The following GCKR variants were observed in gnomAD, a reference collection of about 807,000 sequenced individuals.
GCKR encodes glucokinase regulatory protein.
In GCKR, 73 loss-of-function variants were observed where a neutral mutation model predicts 82.9. The ratio of observed to expected loss-of-function variants is 0.88; its 90% confidence interval spans 0.73 to 1.07. The LOEUF is 1.07. Among genes scored for constraint, GCKR ranks in the 50% least tolerant of loss-of-function variants. The pLI, the probability that GCKR is intolerant of heterozygous loss-of-function variation, is 0.00. For missense variants in GCKR, 784 were observed against 782.1 expected (o/e 1.00, Z -0.03); for synonymous variants, 294 against 291.8 (o/e 1.01, Z -0.08).
intron 8 of GCKR, 42 bp downstream of exon 8, chr2:27,501,271 G>A (rs1462520156): frequency 7.9e-7 from 1 of 1,263,692 alleles, no homozygotes; most frequent in South Asian, 1.2e-5. Flanking sequence ...GGGCAGGCTG[G>A]AGGGGAACAT....
chr2:27,522,713 A>G, intron 18 of GCKR, 119 bp downstream of exon 18: 2 of 839,332 alleles, frequency 2.4e-6, no homozygotes, highest in South Asian at 1.4e-5. Flanking sequence ...AAGGACCTCC[A>G]CATTCATGGG....
intron 7 of GCKR, 68 bp downstream of exon 7, chr2:27,499,518 G>A: frequency 1.8e-6 from 2 of 1,088,138 alleles, no homozygotes; most frequent in Non-Finnish European, 2.9e-6. Context: ...GGAATAGCAT[G>A]GAAGATAGAT....
chr2:27,503,157 A>G (rs1448937101), intron 8 of GCKR, among the ~76,000 whole-genome samples: 2 of 152,206 alleles, frequency 1.3e-5, no homozygotes, highest in African/African-American at 2.4e-5. Flanking sequence ...TAAGGTGACA[A>G]TTTTGACATT....
Position 27,499,135 on chromosome 2 carries a change from C to T in GCKR, c.429-7C>T, listed in dbSNP as rs1390266278. The T allele has an allele frequency of 1.3e-6, 2 of 1,584,300 alleles. No homozygotes were observed. The highest frequency in any genetic ancestry group is 2.7e-5 in the African/African-American group (2 of 74,444). On this transcript the variant is annotated splice_region_variant and splice_polypyrimidine_tract_variant and intron_variant, in intron 5 of 18. Coordinates refer to ENST00000264717, the MANE Select transcript of GCKR (RefSeq NM_001486.4). ...CACTGCCACTGACCTTGAGTCTGTC[C>T]TCTTAGGTCTGTGGTGGCCTCTAGG...
intron 14 of GCKR, 28 bp from the exon 15 acceptor site, chr2:27,507,949 C>T (rs1669789709): frequency 4.6e-6 from 7 of 1,510,332 alleles, no homozygotes; most frequent in African/African-American, 4.1e-5. Context: ...GCCAGCCTTT[C>T]GACTCTGATG....
Position 27,506,596 on chromosome 2 carries a change from TTA to T in GCKR, c.968+18_968+19del. 1 of 1,556,852 alleles carries T rather than the reference TTA, an allele frequency of 6.4e-7. No individual in the cohort carries two copies. Among genetic ancestry groups the T allele is most frequent in the Non-Finnish European group, 8.9e-7 (1 of 1,127,808 alleles). ...CAGCACCAGGTGTGTGGATATGTGT[TTA>T]GAGGTGAGGATGTGGCCCGGATGGA... On this transcript the variant is annotated intron_variant, in intron 11 of 18. Coordinates refer to ENST00000264717, the MANE Select transcript of GCKR (RefSeq NM_001486.4).
rs1379323016 is a variant in GCKR, at chr2:27,497,313, G to C, written c.130G>C (p.Ala44Pro). ...CCCACTGACCCAGGATCTAGACAAA[G>C]CAGATGCTGAGAACATTGTTCGACT... ...SNPLTQDLDK[A>P]DAENIVRLLG... is the part of the protein sequence containing the mutation. Residue 44 changes from alanine (A) to proline (P), a missense_variant, in exon 2 of 19, where the codon GCA becomes CCA. Ala to Pro is a conservative substitution (Grantham distance 27). Transcript: ENST00000264717. 3 of 1,614,090 alleles carry C rather than the reference G, an allele frequency of 1.9e-6. No homozygotes were observed. The highest frequency in any genetic ancestry group is 1.7e-6 in the Non-Finnish European group (2 of 1,179,938).
chr2:27,497,054 T>C, intron 1 of GCKR, 90 bp downstream of exon 1: 2 of 1,248,486 alleles, frequency 1.6e-6, no homozygotes. Context: ...TCTGCTCACC[T>C]CTTCTTCCTT....
rs754613675 is a variant in GCKR, at chr2:27,498,359, A to G, written c.354+36A>G. The G allele has an allele frequency of 4.0e-6, 6 of 1,512,214 alleles. No individual in the cohort carries two copies. In the Admixed American group the frequency reaches 1.0e-4, roughly 25 times the overall value. 93.7% of individuals were successfully genotyped at this position (1,512,214 alleles called of 1,614,324 possible). On this transcript the variant is annotated intron_variant, in intron 4 of 18. Coordinates refer to ENST00000264717, the MANE Select transcript of GCKR (RefSeq NM_001486.4). ...TGGTCTCCAGTTTTCTTCCCCCTCCACTTCTGGAGGTGACCCTCAGGACCA... is the reference window on the plus strand; with the variant it reads ...TGGTCTCCAGTTTTCTTCCCCCTCCGCTTCTGGAGGTGACCCTCAGGACCA...
rs374611992 is a variant in GCKR at position 27,500,847 on chromosome 2, C to T, written c.550-288C>T. The stretch of plus-strand genomic sequence containing the variant: ...CCAGTGTTATATATGGAAGGAAGCA[C>T]ACAAAGAGAAGAGGATATTGACTTC... On this transcript the variant is annotated intron_variant, in intron 7 of 18. Coordinates refer to ENST00000264717, the MANE Select transcript of GCKR (RefSeq NM_001486.4). Among the ~76,000 whole-genome samples, 14 of 152,330 alleles carry T rather than the reference C, an allele frequency of 9.2e-5. No homozygotes were observed. The East Asian group carries it at 1.5e-3, about 17-fold the overall frequency.
intron 7 of GCKR, 94 bp downstream of exon 7, chr2:27,499,544 T>G: frequency 1.0e-6 from 1 of 972,580 alleles, no homozygotes; most frequent in East Asian, 2.4e-5. Context: ...AGATCGGTGC[T>G]AGAAGGCAGG....
chr2:27,510,071 C>G (rs893034792), intron 16 of GCKR, among the ~76,000 whole-genome samples: 1 of 151,480 alleles, frequency 6.6e-6, no homozygotes, highest in Admixed American at 6.6e-5. Flanking sequence ...TGCAGTGGCG[C>G]GATCTCCGCT....
At chr2:27,511,935 C>T (rs949744153) in intron 16 of GCKR, among the ~76,000 whole-genome samples, 15 of 151,810 alleles carry the variant, frequency 9.9e-5, no homozygotes, top group African/African-American at 3.6e-4. Flanking sequence ...TTCTTTTCCC[C>T]TGAATTATAT....
chr2:27,501,255 G>A lies in GCKR; in HGVS notation c.644+26G>A, dbSNP rs539380725. ...GTGAGCCTTCTGGAATGACTGGGCA[G>A]CCCTGGGGCAGGCTGGAGGGGAACA... On this transcript the variant is annotated intron_variant, in intron 8 of 18. Transcript: ENST00000264717. 1.6e-4 allele frequency: 238 copies of A among 1,468,472 alleles called. 2 individuals carry two copies. In the South Asian group the frequency reaches 2.2e-3, roughly 13 times the overall value. The allele number at this position is 1,468,472 out of a possible 1,614,324, so 91.0% of individuals were successfully genotyped here. A position where few individuals can be genotyped will look rare whatever the true frequency, so the allele number is the denominator to read the frequency against.
At chr2:27,509,944 A>AATT (rs146627456) in intron 16 of GCKR, among the ~76,000 whole-genome samples, 7 of 151,696 alleles carry the variant, frequency 4.6e-5, no homozygotes, top group Non-Finnish European at 7.4e-5. Flanking sequence ...CATTTTCAAA[A>AATT]ATTATTATTA....
chr2:27,499,296 A>T, intron 6 of GCKR, 88 bp downstream of exon 6: 2 of 1,350,050 alleles, frequency 1.5e-6, no homozygotes. Context: ...GCCAAAGCCT[A>T]TTTCCTCCCT....
chr2:27,505,863 C>T, intron 10 of GCKR, 27 bp downstream of exon 10: 1 of 1,215,314 alleles, frequency 8.2e-7, no homozygotes. Context: ...TAAGAGAGAG[C>T]TCAGAGTCAG....
At chr2:27,497,026 C>A in intron 1 of GCKR, 62 bp downstream of exon 1, 1 of 1,397,476 alleles carries the variant, frequency 7.2e-7, no homozygotes, top group Non-Finnish European at 1.0e-6. Flanking sequence ...TTCATCCAGT[C>A]TTCCCTCCCC....
intron 16 of GCKR, among the ~76,000 whole-genome samples, chr2:27,508,673 C>T (rs530428130): frequency 2.6e-5 from 4 of 152,048 alleles, no homozygotes; most frequent in Admixed American, 2.0e-4. Flanking sequence ...CCACCATGCC[C>T]GGCTACTGTT....
Sources: allele counts gnomAD v4.1 joint callset (sites outside exome capture counted in the v4.1 genomes callset), GRCh38; gene constraint gnomAD v4.1.1; transcripts MANE v1.5; gene names NCBI Gene and HGNC (gene_info 2026-07-23, HGNC 2026-07-21).